The following RABGEF1 variants were observed in gnomAD, a reference collection of about 807,000 sequenced individuals.
The protein encoded by RABGEF1 is RAB guanine nucleotide exchange factor 1.
In RABGEF1, 26 loss-of-function variants were observed where a neutral mutation model predicts 57.3. The ratio of observed to expected loss-of-function variants is 0.45; its 90% CI spans 0.33 to 0.63. The LOEUF is 0.63. RABGEF1 is among the 20% of genes least tolerant of loss of function. RABGEF1 has a pLI of 0.02. For synonymous variants in RABGEF1, 185 were observed against 210.7 expected, an observed-to-expected ratio of 0.88 and a Z score of 1.06; for missense variants, 464 against 607.6, an observed-to-expected ratio of 0.76 and a Z score of 2.48.
At chr7:66,772,564 TTAAAA>T (rs1350238245) in intron 2 of RABGEF1, among the ~76,000 whole-genome samples, 1 of 152,140 alleles carries the variant, frequency 6.6e-6, no homozygotes, top group Non-Finnish European at 1.5e-5. Flanking sequence ...TAACTTATAT[TTAAAA>T]ATTAGGTTAG....
rs186766989 is a variant in RABGEF1 at position 66,775,635 on chromosome 7, C to G, written c.346+242C>G. On this transcript the variant is annotated intron_variant, in intron 3 of 8. Coordinates refer to ENST00000284957, the MANE Select transcript of RABGEF1 (RefSeq NM_014504.3). ...GGAATCAAGAGAATTGAAATAGGTA[C>G]TTTTGCTTATGAAATTCATCCCCAT... 5.3e-5 allele frequency among the ~76,000 whole-genome samples: 8 copies of G among 152,296 alleles called. No individual in the cohort carries two copies. The East Asian group carries it at 9.6e-4, about 18-fold the overall frequency.
chr7:66,790,239 C>A (rs1454941380), intron 4 of RABGEF1, among the ~76,000 whole-genome samples: 2 of 152,322 alleles, frequency 1.3e-5, no homozygotes, highest in South Asian at 4.1e-4. Flanking sequence ...GTGAAACTCT[C>A]AACAATGAGT....
At chr7:66,800,336 C>G (rs954067968) in intron 7 of RABGEF1, among the ~76,000 whole-genome samples, 1 of 152,164 alleles carries the variant, frequency 6.6e-6, no homozygotes, top group African/African-American at 2.4e-5. Context: ...GGCTATCTTA[C>G]TGCCTCTACA....
intron 1 of RABGEF1, among the ~76,000 whole-genome samples, chr7:66,759,124 C>T (rs1375305545): frequency 1.3e-5 from 2 of 152,218 alleles, no homozygotes; most frequent in Admixed American, 1.3e-4. Flanking sequence ...CAGAACTATT[C>T]CATTACCCCA....
intron 3 of RABGEF1, among the ~76,000 whole-genome samples, chr7:66,783,331 C>T (rs2129141403): frequency 6.6e-6 from 1 of 152,286 alleles, no homozygotes; most frequent in African/African-American, 2.4e-5. Context: ...TTATAAACTC[C>T]AGCAGTCTTT....
rs1281093272 is a variant in RABGEF1 at position 66,799,509 on chromosome 7, T to C, written c.820+95T>C. On this transcript the variant is annotated intron_variant, in intron 7 of 8. Coordinates refer to ENST00000284957, the MANE Select transcript of RABGEF1 (RefSeq NM_014504.3). ...ATCTATACATTTGTAAAATGCAGAT[T>C]GTCGAAGGTACATTGGAATGTAGTA... is the stretch of plus-strand genomic sequence containing the variant. The C allele has an allele frequency of 6.8e-6, 7 of 1,024,334 alleles. No individual in the cohort carries two copies. The African/African-American group carries it at 8.0e-5, about 12-fold the overall frequency. The allele number at this position is 1,024,334 out of a possible 1,614,324, so 63.5% of individuals were successfully genotyped here.
Position 66,775,332 on chromosome 7 carries a change from C to G in RABGEF1, c.285C>G (p.Thr95=), listed in dbSNP as rs776652255. 1 of 1,613,822 alleles carries G rather than the reference C, an allele frequency of 6.2e-7. No individual in the cohort carries two copies. Among genetic ancestry groups the G allele is most frequent in the Non-Finnish European group, 8.5e-7 (1 of 1,179,854 alleles). Residue 95 remains threonine (T), a synonymous_variant, in exon 3 of 9, where the codon ACC becomes ACG. Coordinates refer to ENST00000284957, the MANE Select transcript of RABGEF1 (RefSeq NM_014504.3). ...AAGAAAAGAAAACCAACGAGAAGAC[C>G]CGCAAGGTTACCACAGTGAAGAAAT... is the stretch of plus-strand genomic sequence containing the variant. ...KFEEKKTNEK[T]RKVTTVKKFF... is the part of the protein sequence containing the mutation.
intron 7 of RABGEF1, among the ~76,000 whole-genome samples, chr7:66,800,330 A>G (rs1786996822): frequency 6.6e-6 from 1 of 152,146 alleles, no homozygotes. Flanking sequence ...GGAGTGGGCT[A>G]TCTTACTGCC....
the RABGEF1 span, among the ~76,000 whole-genome samples, chr7:66,655,236 AG>A: frequency 1.5e-4 from 23 of 152,326 alleles, no homozygotes; most frequent in East Asian, 3.3e-3. Flanking sequence ...GGTTAGGAGC[AG>A]AAGTCCCTAC....
chr7:66,657,140 A>T, the RABGEF1 span, among the ~76,000 whole-genome samples: 1 of 152,230 alleles, frequency 6.6e-6, no homozygotes, highest in South Asian at 2.1e-4. Flanking sequence ...TGATAATCCA[A>T]TTAGATCTAA....
At chr7:66,711,166 A>AT (rs1334239513) in intron 1 of RABGEF1, among the ~76,000 whole-genome samples, 2 of 151,984 alleles carry the variant, frequency 1.3e-5, no homozygotes, top group Non-Finnish European at 2.9e-5. Context: ...TTAAAAAAAT[A>AT]TTTTTTTCTT....
intron 1 of RABGEF1, among the ~76,000 whole-genome samples, chr7:66,747,381 G>T (rs113907308): frequency 6.6e-6 from 1 of 152,100 alleles, no homozygotes; most frequent in Non-Finnish European, 1.5e-5. Flanking sequence ...GGAATGGTTT[G>T]GCAGCATCCT....
chr7:66,659,071 C>T, the RABGEF1 span, among the ~76,000 whole-genome samples: 1 of 152,164 alleles, frequency 6.6e-6, no homozygotes, highest in African/African-American at 2.4e-5. Flanking sequence ...ATGAGGACAG[C>T]ATTGCCTTGT....
intron 4 of RABGEF1, among the ~76,000 whole-genome samples, chr7:66,789,863 GCAT>G (rs1380540425): frequency 6.6e-6 from 1 of 152,082 alleles, no homozygotes; most frequent in African/African-American, 2.4e-5. Context: ...CCTGGTGTTG[GCAT>G]TGTCTCCCAG....
At chr7:66,687,094 T>G (rs1790756263) in intron 1 of RABGEF1, among the ~76,000 whole-genome samples, 1 of 149,286 alleles carries the variant, frequency 6.7e-6, no homozygotes, top group South Asian at 2.1e-4. Flanking sequence ...GTGCTGAGAT[T>G]ACGAGCCACC....
rs1198665825 is a variant in RABGEF1 at position 66,740,738 on chromosome 7, T to A, written c.-72T>A. On this transcript the variant is annotated 5_prime_UTR_variant, in exon 1 of 9. Coordinates refer to ENST00000284957, the MANE Select transcript of RABGEF1 (RefSeq NM_014504.3). ...GGGAGCTGGCCGCGGAGCCCAGACC[T>A]ACCCGGGCGAAGCGGGCGAGCGGTG... 1.3e-5 allele frequency: 2 copies of A among 152,682 alleles called. No individual in the cohort carries two copies. Among genetic ancestry groups the A allele is most frequent in the African/African-American group, 4.8e-5 (2 of 41,544 alleles). The allele number at this position is 152,682 out of a possible 1,614,324, so 9.5% of individuals were successfully genotyped here.
intron 6 of RABGEF1, among the ~76,000 whole-genome samples, chr7:66,798,372 C>T (rs907108414): frequency 4.6e-5 from 7 of 152,108 alleles, no homozygotes; most frequent in Admixed American, 6.5e-5. Flanking sequence ...AGAAGGGACT[C>T]GGAGTCCCAG....
rs368883266 is a variant in RABGEF1 at position 66,705,706 on chromosome 7, TG to T, written c.-872-6460del. On this transcript the variant is annotated intron_variant and NMD_transcript_variant, in intron 1 of 9. Coordinates refer to the RABGEF1 transcript ENST00000607882. The stretch of plus-strand genomic sequence containing the variant: ...TGATAGATACAAGTGTTTTTTTTTT[TG>T]TTTTTTTTTGTTTTGTTTTTGAGAC... Among the ~76,000 whole-genome samples the T allele has an allele frequency of 3.3e-5, 5 of 151,426 alleles. No individual in the cohort carries two copies. In the South Asian group the frequency reaches 8.4e-4, roughly 25 times the overall value.
intron 1 of RABGEF1, among the ~76,000 whole-genome samples, chr7:66,687,455 A>C (rs943526737): frequency 6.7e-6 from 1 of 149,626 alleles, no homozygotes; most frequent in Admixed American, 6.7e-5. Context: ...CTCCATAACC[A>C]AGAGAAGTAA....
Sources: gnomAD v4.1 joint callset for allele counts (sites outside exome capture counted in the v4.1 genomes callset) on GRCh38, gnomAD v4.1.1 for gene constraint, MANE v1.5 for transcripts, NCBI Gene and HGNC (gene_info 2026-07-23, HGNC 2026-07-21) for gene names.